TONSL: variants seen among roughly 807,000 people sequenced by gnomAD.
TONSL encodes tonsoku like, DNA repair protein.
In TONSL, 112 loss-of-function variants were observed where a neutral mutation model predicts 147.1. The ratio of observed to expected loss-of-function variants is 0.76; its 90% confidence interval spans 0.65 to 0.89. The LOEUF is 0.89. Ranked by LOEUF, TONSL falls within the 40% of genes least tolerant of loss-of-function variation. The pLI is 0.00. For missense variants in TONSL, 1,883 were observed against 1,864.6 expected, an observed-to-expected ratio of 1.01 and a Z score of -0.18; for synonymous variants, 868 against 801.5, an observed-to-expected ratio of 1.08 and a Z score of -1.40.
At chr8:144,434,776 C>T (rs1460888065) in intron 20 of TONSL, 35 bp downstream of exon 20, 2 of 1,606,334 alleles carry the variant, frequency 1.2e-6, no homozygotes, top group Non-Finnish European at 1.7e-6. Context: ...CCTTGTACGA[C>T]CTCACCCAGA....
Position 144,436,034 on chromosome 8 carries a change from C to A in TONSL, c.2399G>T (p.Gly800Val). The A allele has an allele frequency of 6.4e-7, 1 of 1,569,606 alleles. No homozygotes were observed. Among genetic ancestry groups the A allele is most frequent in the Non-Finnish European group, 8.6e-7 (1 of 1,163,362 alleles). Reference protein sequence around the residue: ...AAYQAAIRGVGSAQSRLGPGP... With the variant: ...AAYQAAIRGVVSAQSRLGPGP... Reference sequence around the variant, plus strand: ...AGGCCCCAGCCGGCTCTGAGCACTGCCCACACCCCGGATGGCTGCCTGGTA... The same window carrying A: ...AGGCCCCAGCCGGCTCTGAGCACTGACCACACCCCGGATGGCTGCCTGGTA... The change falls in exon 17 of 26, where the codon GGC (glycine) becomes GTC (valine). Residue 800 changes from glycine (G) to valine (V), a missense_variant. Coordinates refer to ENST00000409379, the MANE Select transcript of TONSL (RefSeq NM_013432.5).
chr8:144,431,284 A>T (rs1053966580), intron 23 of TONSL, 133 bp from the exon 24 acceptor site: 13 of 741,076 alleles, frequency 1.8e-5, no homozygotes, highest in Non-Finnish European at 2.8e-5. Flanking sequence ...TCGGAAGGAA[A>T]CACCTCTCCT....
rs1356232362 is a variant in TONSL at position 144,428,962 on chromosome 8, GGTATTTTTA to G, written c.*172_*180del. On this transcript the variant is annotated 3_prime_UTR_variant, in exon 26 of 26. Coordinates refer to ENST00000409379, the MANE Select transcript of TONSL (RefSeq NM_013432.5). ...CCACCACCACGCCCGGCTAATTTTT[GGTATTTTTA>G]GTAGAGACGGGGTTTCACCATGTTA... 1 of 629,354 alleles carries G rather than the reference GGTATTTTTA, an allele frequency of 1.6e-6. No individual in the cohort carries two copies. The highest frequency in any genetic ancestry group is 2.5e-6 in the Non-Finnish European group (1 of 405,414). 39.0% of individuals were successfully genotyped at this position (629,354 alleles called of 1,614,324 possible). A position where few individuals can be genotyped will look rare whatever the true frequency, so the allele number is the denominator to read the frequency against.
chr8:144,443,804 C>T, intron 3 of TONSL, 78 bp downstream of exon 3: 2 of 1,516,184 alleles, frequency 1.3e-6, no homozygotes, highest in South Asian at 1.2e-5. Flanking sequence ...CTCCTGACGG[C>T]GAAGACCAGG....
At position 144,440,332 on chromosome 8, in the gene TONSL, G is replaced by A. The variant is rs780013648; in HGVS notation, c.1290+19C>T. 1.9e-6 allele frequency: 3 copies of A among 1,576,486 alleles called. No homozygotes were observed. Among genetic ancestry groups the A allele is most frequent in the Non-Finnish European group, 2.6e-6 (3 of 1,157,308 alleles). ...TGGGCTCACCGGGGAGCCAGTATGG[G>A]TGGGATGGGCTCTCGCACCTGCAGC... On this transcript the variant is annotated intron_variant, in intron 10 of 25. Transcript: ENST00000409379.
At chr8:144,435,431 A>T (rs1564728974) in intron 18 of TONSL, 43 bp downstream of exon 18, 2 of 1,471,020 alleles carry the variant, frequency 1.4e-6, no homozygotes, top group Non-Finnish European at 1.8e-6. Flanking sequence ...CCTGGCATGG[A>T]GCTGCACAGG....
At chr8:144,432,490 A>G (rs1823249166) in intron 22 of TONSL, 30 bp from the exon 23 acceptor site, 4 of 1,517,120 alleles carry the variant, frequency 2.6e-6, no homozygotes, top group Non-Finnish European at 3.5e-6. Context: ...CGTCAGCCCC[A>G]CGTGGCCACA....
At position 144,444,422 on chromosome 8, in the gene TONSL, TC is replaced by T; in HGVS notation, c.-9del. The T allele has an allele frequency of 1.6e-6, 2 of 1,234,432 alleles. No individual in the cohort carries two copies. The highest frequency in any genetic ancestry group is 1.0e-6 in the Non-Finnish European group (1 of 987,096). The allele number at this position is 1,234,432 out of a possible 1,614,324, so 76.5% of individuals were successfully genotyped here. On this transcript the variant is annotated 5_prime_UTR_variant, in exon 1 of 26. Coordinates refer to ENST00000409379, the MANE Select transcript of TONSL (RefSeq NM_013432.5). The stretch of plus-strand genomic sequence containing the variant: ...CTCGCGCTCCAGGCTCATGCTCGGA[TC>T]GCCGCGGGATCCGGACTTCCCGCGC...
rs1564734874 is a variant in TONSL, at chr8:144,443,144, GCTC to G, written c.439_441del (p.Glu147del). The G allele has an allele frequency of 6.4e-7, 1 of 1,550,392 alleles. No homozygotes were observed. Among genetic ancestry groups the G allele is most frequent in the Non-Finnish European group, 8.7e-7 (1 of 1,146,832 alleles). Reference sequence around the variant, plus strand: ...CGCGGAGGGGTCTGCCCACCCTCCAGCTCCTCATCCACAATAGCCAAGCTCTTC... The same window carrying G: ...CGCGGAGGGGTCTGCCCACCCTCCAGCTCATCCACAATAGCCAAGCTCTTC... On this transcript the variant is annotated inframe_deletion, in exon 4 of 26. Coordinates refer to ENST00000409379, the MANE Select transcript of TONSL (RefSeq NM_013432.5).
chr8:144,442,599 C>G (rs1373817872), intron 5 of TONSL, 78 bp downstream of exon 5: 2 of 1,553,086 alleles, frequency 1.3e-6, no homozygotes, highest in Non-Finnish European at 1.7e-6. Flanking sequence ...CAGGAGGACT[C>G]TGGGAAAAAT....
At position 144,444,179 on chromosome 8, in the gene TONSL, C is replaced by A; in HGVS notation, c.121+1G>T. 6.9e-7 allele frequency: 1 copy of A among 1,445,566 alleles called. No individual in the cohort carries two copies. The highest frequency in any genetic ancestry group is 9.1e-7 in the Non-Finnish European group (1 of 1,102,012). The allele number at this position is 1,445,566 out of a possible 1,614,324, so 89.5% of individuals were successfully genotyped here. On this transcript the variant is annotated splice_donor_variant, in intron 2 of 25. Coordinates refer to ENST00000409379, the MANE Select transcript of TONSL (RefSeq NM_013432.5). LOFTEE classifies it high-confidence loss of function. ...TCCCGCCTCCTGGTCCCGGCGCTCA[C>A]CATGGCCGGCCAGGAGCTCCCCCAG...
In TONSL at chr8:144,442,039, T is replaced by A; in HGVS notation, c.863A>T (p.His288Leu). 1.9e-6 allele frequency: 3 copies of A among 1,612,380 alleles called. No individual in the cohort carries two copies. Among genetic ancestry groups the A allele is most frequent in the Non-Finnish European group, 2.5e-6 (3 of 1,179,668 alleles). ...QRAAICQNLQ[H>L]VLAVVRLQQQ... is the part of the protein sequence containing the mutation. ...CCCATTCGCACCCCCAGGCTCACCA[T>A]GCTGGAGGTTCTGACAGATGGCTGC... is the stretch of plus-strand genomic sequence containing the variant. The change falls in exon 7 of 26, where the codon CAT becomes CTT. Residue 288 changes from histidine to leucine, a missense_variant and splice_region_variant. Transcript: ENST00000409379.
At chr8:144,442,435 G>T in intron 5 of TONSL, 23 bp from the exon 6 acceptor site, 2 of 1,519,350 alleles carry the variant, frequency 1.3e-6, no homozygotes, top group South Asian at 1.3e-5. Context: ...GACGACCACT[G>T]AGCACCCAGG....
In TONSL at chr8:144,442,156, A is replaced by G. The variant is rs1823744301; in HGVS notation, c.751-5T>C. On this transcript the variant is annotated splice_region_variant and splice_polypyrimidine_tract_variant and intron_variant, in intron 6 of 25. Transcript: ENST00000409379. ...GTCTCCCAGGTCTTGGAGGACCTGG[A>G]GAGCAAAGGACAGCAAAGGTTTTGC... 1 of 1,610,030 alleles carries G rather than the reference A, an allele frequency of 6.2e-7. No homozygotes were observed. The highest frequency in any genetic ancestry group is 1.3e-5 in the African/African-American group (1 of 74,774).
Position 144,434,277 on chromosome 8 carries a change from C to T in TONSL, c.3088G>A (p.Glu1030Lys). ...RRACQSLGQGEHQQVLQAVEL... is the reference protein window; with the variant it reads ...RRACQSLGQGKHQQVLQAVEL... ...ACGGCCTGCAGCACCTGTTGGTGCT[C>T]CCCTGCGGGAGGGATGTGATGTCAC... is the stretch of plus-strand genomic sequence containing the variant. Residue 1030 changes from glutamate to lysine, a missense_variant and splice_region_variant, in exon 21 of 26, where the codon GAG (glutamate) becomes AAG (lysine). Coordinates refer to ENST00000409379, the MANE Select transcript of TONSL (RefSeq NM_013432.5). 1.3e-6 allele frequency: 2 copies of T among 1,505,384 alleles called. No homozygotes were observed. Among genetic ancestry groups the T allele is most frequent in the Non-Finnish European group, 1.8e-6 (2 of 1,126,960 alleles). 93.3% of individuals were successfully genotyped at this position (1,505,384 alleles called of 1,614,324 possible).
intron 23 of TONSL, 75 bp downstream of exon 23, chr8:144,432,210 C>A: frequency 2.7e-6 from 4 of 1,499,406 alleles, no homozygotes; most frequent in Non-Finnish European, 3.7e-6. Context: ...TGGGGAGAGG[C>A]GAGCTCCTCC....
chr8:144,436,936 C>T lies in TONSL; in HGVS notation c.1727-16G>A, dbSNP rs774367982. ...CGGACAATTTCTGCAGACCAGGAGA[C>T]GTAAGCCCAGCTCCCGATGCCCCGC... On this transcript the variant is annotated splice_polypyrimidine_tract_variant and intron_variant, in intron 14 of 25. Coordinates refer to ENST00000409379, the MANE Select transcript of TONSL (RefSeq NM_013432.5). 2.8e-5 allele frequency: 45 copies of T among 1,609,734 alleles called. No homozygotes were observed. The Admixed American group carries it at 3.3e-4, about 12-fold the overall frequency.
rs747386896 is a variant in TONSL, at chr8:144,436,633, T to C, written c.1939A>G (p.Arg647Gly). 4 of 1,612,056 alleles carry C rather than the reference T, an allele frequency of 2.5e-6. No homozygotes were observed. The highest frequency in any genetic ancestry group is 2.7e-5 in the African/African-American group (2 of 74,924). Reference protein sequence around the residue: ...TLQQWVKLYRRDLDLETRQKA... With the variant: ...TLQQWVKLYRGDLDLETRQKA... ...TGCCGCGTCTCCAGGTCCAGGTCCC[T>C]GCGGTACAGCTTCACCCACTGCTGC... Residue 647 changes from arginine to glycine, a missense_variant, in exon 16 of 26, where the codon AGG (arginine) becomes GGG (glycine). Transcript: ENST00000409379.
chr8:144,442,790 T>A lies in TONSL; in HGVS notation c.465A>T (p.Gly155=), dbSNP rs201430336. 25 of 1,612,094 alleles carry A rather than the reference T, an allele frequency of 1.6e-5. No individual in the cohort carries two copies. The highest frequency in any genetic ancestry group is 1.9e-5 in the Non-Finnish European group (23 of 1,179,600). The change falls in exon 5 of 26, where the codon GGA becomes GGT. Residue 155 remains glycine, a synonymous_variant. Coordinates refer to ENST00000409379, the MANE Select transcript of TONSL (RefSeq NM_013432.5). ...DEELEGTLAQ[G]ELNEMRTRLY... is the part of the protein sequence containing the mutation. ...GGCGGGTCCTCATCTCATTCAGCTC[T>A]CCCTGGGCCAGTGTCCCTGGAAGAT...
Sources: allele counts gnomAD v4.1 joint callset, GRCh38; gene constraint gnomAD v4.1.1; transcripts MANE v1.5; gene names NCBI Gene and HGNC (gene_info 2026-07-23, HGNC 2026-07-21).